The following SLC9A9 variants were observed in gnomAD, a reference collection of about 807,000 sequenced individuals.
SLC9A9 encodes solute carrier family 9 member A9.
Under a neutral mutation model 77.8 loss-of-function variants are expected in SLC9A9, and 62 were observed. That is an observed-to-expected ratio of 0.80 (90% CI 0.65 to 0.98). The LOEUF (loss-of-function observed/expected upper bound fraction) is 0.98, where lower values mean the gene tolerates loss of function less well. Among genes scored for constraint, SLC9A9 ranks in the 50% least tolerant of loss-of-function variants. SLC9A9 has a pLI of 0.00. For missense variants in SLC9A9, 775 were observed against 774.9 expected (o/e 1.00, Z 0.00); for synonymous variants, 320 against 283.5 (o/e 1.13, Z -1.29).
chr3:143,619,793 C>A (rs2038168542), intron 6 of SLC9A9, among the ~76,000 whole-genome samples: 2 of 152,216 alleles, frequency 1.3e-5, no homozygotes, highest in Admixed American at 1.3e-4. Flanking sequence ...ATCTCAGCAA[C>A]TTCTGGTCCC....
intron 4 of SLC9A9, among the ~76,000 whole-genome samples, chr3:143,709,646 C>T (rs1361320502): frequency 6.6e-6 from 1 of 152,168 alleles, no homozygotes; most frequent in Non-Finnish European, 1.5e-5. Context: ...GCACTAAATA[C>T]CCACTGCTTG....
intron 4 of SLC9A9, among the ~76,000 whole-genome samples, chr3:143,787,961 T>C (rs1033618921): frequency 2.6e-5 from 4 of 152,046 alleles, no homozygotes; most frequent in Non-Finnish European, 4.4e-5. Flanking sequence ...AAGAAGATCC[T>C]CTCTGTCTTA....
At chr3:143,410,545 G>T (rs1173273034) in intron 12 of SLC9A9, among the ~76,000 whole-genome samples, 3 of 152,062 alleles carry the variant, frequency 2.0e-5, no homozygotes, top group African/African-American at 7.2e-5. Context: ...TTCCAAAACA[G>T]CTTCTGAATC....
chr3:143,683,831 G>A (rs1326030014), intron 5 of SLC9A9, among the ~76,000 whole-genome samples: 1 of 151,990 alleles, frequency 6.6e-6, no homozygotes, highest in Non-Finnish European at 1.5e-5. Flanking sequence ...ACTCACAAAT[G>A]AATATAGTTG....
At chr3:143,664,004 G>T (rs910129740) in intron 5 of SLC9A9, among the ~76,000 whole-genome samples, 5 of 151,996 alleles carry the variant, frequency 3.3e-5, no homozygotes, top group Non-Finnish European at 5.9e-5. Flanking sequence ...TCCTTGAGAA[G>T]ACCAACCCCG....
At chr3:143,346,536 C>T (rs1371325185) in intron 14 of SLC9A9, among the ~76,000 whole-genome samples, 2 of 152,086 alleles carry the variant, frequency 1.3e-5, no homozygotes, top group African/African-American at 2.4e-5. Context: ...CCTGTAATCC[C>T]AGCACTTTGG....
intron 14 of SLC9A9, among the ~76,000 whole-genome samples, chr3:143,271,070 C>T (rs1427799615): frequency 1.3e-5 from 2 of 152,048 alleles, no homozygotes; most frequent in African/African-American, 2.4e-5. Flanking sequence ...ATACTGTCTA[C>T]ACTACTTGCC....
intron 6 of SLC9A9, among the ~76,000 whole-genome samples, chr3:143,640,638 A>G (rs2038605735): frequency 2.0e-5 from 3 of 152,124 alleles, no homozygotes; most frequent in Admixed American, 2.0e-4. Context: ...AGGCGGGACA[A>G]TTGCTTGAGC....
intron 12 of SLC9A9, among the ~76,000 whole-genome samples, chr3:143,448,027 G>T (rs67392581): frequency 6.6e-6 from 1 of 151,980 alleles, no homozygotes; most frequent in Non-Finnish European, 1.5e-5. Flanking sequence ...ATGGAGGATG[G>T]CATTTTCAAA....
intron 6 of SLC9A9, among the ~76,000 whole-genome samples, chr3:143,621,960 T>C (rs1429617608): frequency 6.6e-6 from 1 of 151,700 alleles, no homozygotes; most frequent in Non-Finnish European, 1.5e-5. Flanking sequence ...GAGAACTACA[T>C]GACAAATGAA....
Position 143,652,361 on chromosome 3 carries a change from C to T in SLC9A9, c.650-1G>A. 1 of 1,610,754 alleles carries T rather than the reference C, an allele frequency of 6.2e-7. No individual in the cohort carries two copies. The highest frequency in any genetic ancestry group is 8.5e-7 in the Non-Finnish European group (1 of 1,178,286). ...TCATGGAAAATGGCCAGCACTGTCA[C>T]TAGGAAGACACACACAAACATGCAG... On this transcript the variant is annotated splice_acceptor_variant, in intron 5 of 15. Coordinates refer to ENST00000316549, the MANE Select transcript of SLC9A9 (RefSeq NM_173653.4). LOFTEE classifies it high-confidence loss of function.
intron 6 of SLC9A9, among the ~76,000 whole-genome samples, chr3:143,618,970 T>C (rs2108709130): frequency 6.6e-6 from 1 of 152,252 alleles, no homozygotes; most frequent in Non-Finnish European, 1.5e-5. Context: ...ACCCTGCATT[T>C]TGAAAATTGG....
Position 143,348,287 on chromosome 3 carries a change from G to A in SLC9A9, c.1604+15197C>T, listed in dbSNP as rs117449116. ...TGGGATTACAGGCGTGAGCCACTGC[G>A]CCCGGCCCGAAGTTAAGCAGCTATT... On this transcript the variant is annotated intron_variant, in intron 14 of 15. Transcript: ENST00000316549. Among the ~76,000 whole-genome samples the A allele has an allele frequency of 3.3e-4, 51 of 152,268 alleles. 1 individual carries two copies. The East Asian group carries it at 8.5e-3, about 25-fold the overall frequency.
chr3:143,303,846 A>G (rs2030649301), intron 14 of SLC9A9, among the ~76,000 whole-genome samples: 1 of 152,166 alleles, frequency 6.6e-6, no homozygotes, highest in African/African-American at 2.4e-5. Context: ...AAAGACTTAG[A>G]TTCAGGCCGG....
At chr3:143,319,191 T>G (rs1216073368) in intron 14 of SLC9A9, among the ~76,000 whole-genome samples, 2 of 152,182 alleles carry the variant, frequency 1.3e-5, no homozygotes, top group African/African-American at 2.4e-5. Flanking sequence ...GTACCTGATT[T>G]GACAAAGTCC....
chr3:143,827,385 T>G (rs1347204414), intron 2 of SLC9A9, among the ~76,000 whole-genome samples: 1 of 152,250 alleles, frequency 6.6e-6, no homozygotes, highest in Non-Finnish European at 1.5e-5. Context: ...AGAAGAATAC[T>G]GTTTTCACCA....
intron 5 of SLC9A9, among the ~76,000 whole-genome samples, chr3:143,658,464 G>A (rs1327972739): frequency 6.6e-6 from 1 of 152,136 alleles, no homozygotes; most frequent in African/African-American, 2.4e-5. Flanking sequence ...GATTCTTTTG[G>A]TATACATGTA....
At chr3:143,677,918 C>G (rs565854559) in intron 5 of SLC9A9, among the ~76,000 whole-genome samples, 9 of 150,950 alleles carry the variant, frequency 6.0e-5, no homozygotes, top group Non-Finnish European at 8.8e-5. Context: ...GCTCTGCCCC[C>G]CTGGTTCGTG....
intron 11 of SLC9A9, among the ~76,000 whole-genome samples, chr3:143,483,987 G>A (rs904925144): frequency 3.9e-5 from 6 of 152,076 alleles, no homozygotes; most frequent in Non-Finnish European, 2.9e-5. Context: ...ATGACTATCT[G>A]GATGACTGTG....
Sources: gnomAD v4.1 joint callset for allele counts (sites outside exome capture counted in the v4.1 genomes callset) on GRCh38, gnomAD v4.1.1 for gene constraint, MANE v1.5 for transcripts, NCBI Gene and HGNC (gene_info 2026-07-23, HGNC 2026-07-21) for gene names.